CNBD1: variants seen among roughly 807,000 people sequenced by gnomAD.
CNBD1 encodes cyclic nucleotide binding domain containing 1.
A neutral mutation model predicts 54.4 loss-of-function variants in CNBD1; 71 were observed. That is an observed-to-expected ratio of 1.30 (90% confidence interval 1.08 to 1.59). CNBD1 has a LOEUF of 1.59. Among genes scored for constraint, CNBD1 ranks in the 40% most tolerant of loss-of-function variants. The pLI, the probability that CNBD1 is intolerant of heterozygous loss-of-function variation, is 0.00. For synonymous variants in CNBD1, 182 were observed against 170.7 expected (o/e 1.07, Z -0.51); for missense variants, 659 against 518.0 (o/e 1.27, Z -2.64).
At chr8:87,346,159 A>T (rs965600474) in intron 8 of CNBD1, among the ~76,000 whole-genome samples, 2 of 151,944 alleles carry the variant, frequency 1.3e-5, no homozygotes, top group Non-Finnish European at 1.5e-5. Flanking sequence ...CTCCTGCCTC[A>T]GCCTCCCAAG....
chr8:86,958,553 T>C (rs549199674), intron 4 of CNBD1, among the ~76,000 whole-genome samples: 1 of 152,366 alleles, frequency 6.6e-6, no homozygotes, highest in African/African-American at 2.4e-5. Context: ...TAGCTCTTCT[T>C]GTTGAATTGA....
chr8:87,084,217 T>C (rs987063350), intron 4 of CNBD1, among the ~76,000 whole-genome samples: 1 of 152,230 alleles, frequency 6.6e-6, no homozygotes, highest in South Asian at 2.1e-4. Flanking sequence ...TAGTGTCTTA[T>C]AAAGACATTT....
intron 4 of CNBD1, among the ~76,000 whole-genome samples, chr8:87,190,874 TAGATAC>T (rs1179995694): frequency 7.2e-6 from 1 of 139,346 alleles, no homozygotes; most frequent in Non-Finnish European, 1.5e-5. Flanking sequence ...TAAATAGATA[TAGATAC>T]ATGTACGTAT....
chr8:86,892,691 A>T (rs1334071593), intron 2 of CNBD1, among the ~76,000 whole-genome samples: 1 of 152,164 alleles, frequency 6.6e-6, no homozygotes, highest in Non-Finnish European at 1.5e-5. Flanking sequence ...AGAGTTCGAT[A>T]GAGACAATTA....
Position 87,041,693 on chromosome 8 carries a change from G to T in CNBD1, c.431+101939G>T, listed in dbSNP as rs969086180. 2.0e-5 allele frequency among the ~76,000 whole-genome samples: 3 copies of T among 152,310 alleles called. No homozygotes were observed. The South Asian group carries it at 6.2e-4, about 32-fold the overall frequency. Reference sequence around the variant, plus strand: ...GGGTGCCTGTAGTCCCAGCTACTTGGGAGGCTGAGGCAGGAGAATGGCGTG... The same window carrying T: ...GGGTGCCTGTAGTCCCAGCTACTTGTGAGGCTGAGGCAGGAGAATGGCGTG... On this transcript the variant is annotated intron_variant, in intron 4 of 10. Coordinates refer to ENST00000518476, the MANE Select transcript of CNBD1 (RefSeq NM_173538.3).
intron 4 of CNBD1, among the ~76,000 whole-genome samples, chr8:87,065,783 C>A (rs562175486): frequency 2.0e-5 from 3 of 151,922 alleles, no homozygotes; most frequent in South Asian, 2.1e-4. Flanking sequence ...TTTCTACCAG[C>A]CTTAGGAGAA....
chr8:87,034,549 CTG>C (rs1322043217), intron 4 of CNBD1, among the ~76,000 whole-genome samples: 8 of 152,282 alleles, frequency 5.3e-5, no homozygotes, highest in East Asian at 1.9e-4. Context: ...TGTCTATTAA[CTG>C]TGATGGTGCC....
intron 4 of CNBD1, among the ~76,000 whole-genome samples, chr8:87,064,198 C>T (rs753640373): frequency 9.9e-5 from 15 of 151,986 alleles, no homozygotes; most frequent in South Asian, 2.1e-4. Context: ...TTATTACAGA[C>T]GTTAGTCTAC....
intron 2 of CNBD1, among the ~76,000 whole-genome samples, chr8:87,403,792 A>G (rs1807606747): frequency 6.6e-6 from 1 of 151,952 alleles, no homozygotes; most frequent in Admixed American, 6.6e-5. Context: ...TGTTTTTTAT[A>G]TGCTTCAACA....
chr8:87,360,163 C>G (rs571169520), intron 10 of CNBD1, among the ~76,000 whole-genome samples: 1 of 152,018 alleles, frequency 6.6e-6, no homozygotes, highest in East Asian at 1.9e-4. Context: ...ACCTGTACTT[C>G]AAGATAGGTA....
intron 2 of CNBD1, among the ~76,000 whole-genome samples, chr8:87,419,627 G>A (rs1234039356): frequency 2.0e-5 from 3 of 151,832 alleles, no homozygotes; most frequent in Non-Finnish European, 4.4e-5. Flanking sequence ...AGATAGCTCT[G>A]AAAAGAGTAA....
chr8:86,939,817 TA>T, intron 4 of CNBD1, 63 bp downstream of exon 4: 2 of 1,090,744 alleles, frequency 1.8e-6, no homozygotes, highest in Non-Finnish European at 2.6e-6. Context: ...CTTTATTTTT[TA>T]AAGTTTATTG....
intron 3 of CNBD1, among the ~76,000 whole-genome samples, chr8:86,907,665 TA>T (rs559202656): frequency 2.3e-4 from 32 of 139,792 alleles, no homozygotes; most frequent in African/African-American, 5.8e-4. Flanking sequence ...TGACTCTATC[TA>T]AAAAAAAAAC....
intron 4 of CNBD1, among the ~76,000 whole-genome samples, chr8:87,045,650 G>A (rs1233376890): frequency 1.3e-5 from 2 of 150,616 alleles, no homozygotes; most frequent in African/African-American, 2.5e-5. Context: ...GCGTGAACCC[G>A]GTAGGCGGAG....
At chr8:87,415,424 G>T (rs1369591752) in intron 2 of CNBD1, among the ~76,000 whole-genome samples, 1 of 151,932 alleles carries the variant, frequency 6.6e-6, no homozygotes, top group East Asian at 1.9e-4. Context: ...CTCTGTGTTA[G>T]GCTCCTGAAA....
intron 4 of CNBD1, among the ~76,000 whole-genome samples, chr8:86,988,143 GTTTT>G (rs34699647): frequency 2.7e-4 from 36 of 134,362 alleles, no homozygotes; most frequent in African/African-American, 7.6e-4. Context: ...TGGTTGATAG[GTTTT>G]TTTTTTTTTT....
intron 4 of CNBD1, among the ~76,000 whole-genome samples, chr8:87,129,658 T>C (rs187128440): frequency 6.6e-6 from 1 of 152,326 alleles, no homozygotes; most frequent in Non-Finnish European, 1.5e-5. Context: ...AGACTTTACT[T>C]TTTTAATGTA....
chr8:87,045,995 C>G (rs1273244570), intron 4 of CNBD1, among the ~76,000 whole-genome samples: 1 of 130,710 alleles, frequency 7.7e-6, no homozygotes, highest in African/African-American at 2.9e-5. Context: ...GAGCCAAGGT[C>G]GTGCCACTGC....
chr8:87,295,418 A>G (rs1252716813), intron 8 of CNBD1, among the ~76,000 whole-genome samples: 1 of 151,698 alleles, frequency 6.6e-6, no homozygotes, highest in African/African-American at 2.4e-5. Context: ...AGTACTGCTT[A>G]TTTAAATAAT....
Sources: allele counts gnomAD v4.1 joint callset (sites outside exome capture counted in the v4.1 genomes callset), GRCh38; gene constraint gnomAD v4.1.1; transcripts MANE v1.5; gene names NCBI Gene and HGNC (gene_info 2026-07-23, HGNC 2026-07-21).